The following KSR1 variants were observed in gnomAD, a reference collection of about 807,000 sequenced individuals.
The protein encoded by KSR1 is kinase suppressor of ras.
In KSR1, 35 loss-of-function variants were observed where a neutral mutation model predicts 92.9. The ratio of observed to expected loss-of-function variants is 0.38; its 90% CI spans 0.29 to 0.50. The LOEUF (loss-of-function observed/expected upper bound fraction) is 0.50, where lower values mean the gene tolerates loss of function less well. Ranked by LOEUF, KSR1 falls within the 20% of genes least tolerant of loss-of-function variation. The pLI, the probability that KSR1 is intolerant of heterozygous loss-of-function variation, is 0.94. For missense variants in KSR1, 972 were observed against 1,158.5 expected, an observed-to-expected ratio of 0.84 and a Z score of 2.34; for synonymous variants, 467 against 472.6, an observed-to-expected ratio of 0.99 and a Z score of 0.15.
chr17:27,456,980 C>G (rs1483065774), intron 1 of KSR1, 106 bp downstream of exon 1: 15 of 689,092 alleles, frequency 2.2e-5, no homozygotes, highest in South Asian at 1.8e-4. Flanking sequence ...GCGTCGCCCC[C>G]CTTGGAGGCT....
chr17:27,576,562 C>A (rs2151152303), intron 2 of KSR1, among the ~76,000 whole-genome samples: 1 of 152,240 alleles, frequency 6.6e-6, no homozygotes, highest in South Asian at 2.1e-4. Flanking sequence ...GAGGTCGTGG[C>A]AGTTGATCTG....
At chr17:27,620,611 C>T (rs1008909397) in intron 19 of KSR1, among the ~76,000 whole-genome samples, 2 of 152,184 alleles carry the variant, frequency 1.3e-5, no homozygotes, top group Non-Finnish European at 2.9e-5. Flanking sequence ...GGAAGAAGGT[C>T]GTCAGGGCTG....
intron 1 of KSR1, among the ~76,000 whole-genome samples, chr17:27,470,876 T>C (rs1484344216): frequency 6.6e-6 from 1 of 152,104 alleles, no homozygotes; most frequent in African/African-American, 2.4e-5. Context: ...GTGACTTTTT[T>C]TTTTTTAAAT....
At chr17:27,541,897 G>A (rs958214551) in intron 1 of KSR1, among the ~76,000 whole-genome samples, 1 of 152,246 alleles carries the variant, frequency 6.6e-6, no homozygotes, top group Admixed American at 6.5e-5. Context: ...AGGCATGCAG[G>A]TGAGCATCCC....
chr17:27,582,680 A>G lies in KSR1; in HGVS notation c.555A>G (p.Ser185=), dbSNP rs1374604701. The change falls in exon 4 of 21, where the codon TCA becomes TCG. Residue 185 remains serine (S), a synonymous_variant. Transcript: ENST00000644974. The part of the protein sequence containing the change: ...GEHKEDSSWS[S]LDARRESGSG... ...ACAAGGAGGACTCCAGTTGGAGTTCATTGGATGCGCGGCGGGAAAGTGGCT... is the reference window on the plus strand; with the variant it reads ...ACAAGGAGGACTCCAGTTGGAGTTCGTTGGATGCGCGGCGGGAAAGTGGCT... 1.2e-6 allele frequency: 2 copies of G among 1,612,828 alleles called. No homozygotes were observed. The highest frequency in any genetic ancestry group is 1.7e-6 in the Non-Finnish European group (2 of 1,179,296).
Position 27,623,687 on chromosome 17 carries a change from T to C in KSR1, c.*295T>C. 1 of 586,496 alleles carries C rather than the reference T, an allele frequency of 1.7e-6. No homozygotes were observed. 36.3% of individuals were successfully genotyped at this position (586,496 alleles called of 1,614,324 possible). A position where few individuals can be genotyped will look rare whatever the true frequency, so the allele number is the denominator to read the frequency against. ...ACAATAGGTAATAATAAAAACAGTC[T>C]GTGCAGATGCACTGGCACTGACGGC... is the stretch of plus-strand genomic sequence containing the variant. On this transcript the variant is annotated 3_prime_UTR_variant, in exon 21 of 21. Coordinates refer to ENST00000644974, the MANE Select transcript of KSR1 (RefSeq NM_001394583.1).
chr17:27,461,899 G>A lies in KSR1; in HGVS notation c.231+5025G>A, dbSNP rs142331527. On this transcript the variant is annotated intron_variant, in intron 1 of 20. Coordinates refer to ENST00000644974, the MANE Select transcript of KSR1 (RefSeq NM_001394583.1). ...GTCTGGAGATGGACCATGCGGAGAC[G>A]CTGGCCCACGGTGGCAGTGTCTGCA... is the stretch of plus-strand genomic sequence containing the variant. 3.2e-3 allele frequency among the ~76,000 whole-genome samples: 492 copies of A among 152,358 alleles called. 3 individuals carry two copies. The highest frequency in any genetic ancestry group is 0.011 in the African/African-American group (468 of 41,578).
rs115022968 is a variant in KSR1 at position 27,599,217 on chromosome 17, C to T, written c.1468+1781C>T. On this transcript the variant is annotated intron_variant, in intron 10 of 20. Transcript: ENST00000644974. ...AGCACAATGCTAAATATTTGTGTAT[C>T]TAAACATCTGAACACAGAAAAGCTA... Among the ~76,000 whole-genome samples the T allele has an allele frequency of 4.6e-3, 696 of 152,274 alleles. 10 individuals are homozygous for T. The highest frequency in any genetic ancestry group is 0.016 in the African/African-American group (653 of 41,550).
intron 1 of KSR1, among the ~76,000 whole-genome samples, chr17:27,505,273 G>A (rs373171536): frequency 1.3e-5 from 2 of 152,276 alleles, no homozygotes; most frequent in East Asian, 1.9e-4. Flanking sequence ...ACCTGAACTC[G>A]TTGTGGGCTC....
chr17:27,566,878 G>C (rs1368698219), intron 2 of KSR1, among the ~76,000 whole-genome samples: 1 of 152,156 alleles, frequency 6.6e-6, no homozygotes, highest in East Asian at 1.9e-4. Context: ...TTTTTACAGG[G>C]AGCTTAAGAA....
intron 1 of KSR1, chr17:27,527,062 G>A (rs545283768): frequency 2.5e-5 from 11 of 444,846 alleles, no homozygotes; most frequent in African/African-American, 2.0e-4. Context: ...TGCATTCGTG[G>A]GTCAGCGCCT....
intron 1 of KSR1, among the ~76,000 whole-genome samples, chr17:27,518,194 G>A (rs1314658271): frequency 6.6e-6 from 1 of 152,062 alleles, no homozygotes. Flanking sequence ...GCTGGCAAAG[G>A]CTTTGTAGGG....
At chr17:27,521,621 T>C (rs1413649696) in intron 1 of KSR1, among the ~76,000 whole-genome samples, 1 of 151,712 alleles carries the variant, frequency 6.6e-6, no homozygotes, top group Non-Finnish European at 1.5e-5. Context: ...TTTGTAGAGA[T>C]AGGGTCTCAC....
intron 1 of KSR1, among the ~76,000 whole-genome samples, chr17:27,536,162 G>A (rs2070743959): frequency 6.6e-6 from 1 of 152,208 alleles, no homozygotes; most frequent in African/African-American, 2.4e-5. Context: ...GGCTGCCTGT[G>A]GGCTGAGTGC....
chr17:27,474,128 G>A (rs754370045), intron 1 of KSR1, among the ~76,000 whole-genome samples: 41 of 152,172 alleles, frequency 2.7e-4, no homozygotes, highest in African/African-American at 8.7e-4. Flanking sequence ...AGACTTAGGC[G>A]GCCTCAAATG....
chr17:27,508,709 T>TTTATTTATTTATTTA (rs1555572324), intron 1 of KSR1, among the ~76,000 whole-genome samples: 146 of 138,328 alleles, frequency 1.1e-3, no homozygotes, highest in Admixed American at 2.5e-3. Flanking sequence ...CCTGAATTTT[T>TTTATTTATTTATTTA]TTTATTTATT....
At chr17:27,591,862 C>T (rs1487726045) in intron 7 of KSR1, among the ~76,000 whole-genome samples, 1 of 152,214 alleles carries the variant, frequency 6.6e-6, no homozygotes. Context: ...AAGGCAGGAC[C>T]ACAGTGAGAA....
At chr17:27,620,845 C>T (rs1279653077) in intron 19 of KSR1, among the ~76,000 whole-genome samples, 2 of 152,160 alleles carry the variant, frequency 1.3e-5, no homozygotes, top group East Asian at 1.9e-4. Flanking sequence ...ATAGTCCCAC[C>T]TTCTCATTTC....
At chr17:27,508,026 C>T (rs988637766) in intron 1 of KSR1, among the ~76,000 whole-genome samples, 1 of 152,178 alleles carries the variant, frequency 6.6e-6, no homozygotes, top group Non-Finnish European at 1.5e-5. Context: ...CTGGGTACCT[C>T]CCTAATCTCC....
Sources: gnomAD v4.1 joint callset for allele counts (sites outside exome capture counted in the v4.1 genomes callset) on GRCh38, gnomAD v4.1.1 for gene constraint, MANE v1.5 for transcripts, NCBI Gene and HGNC (gene_info 2026-07-23, HGNC 2026-07-21) for gene names.